The following EPM2A variants were observed in gnomAD, a reference collection of about 807,000 sequenced individuals.
EPM2A encodes laforin.
Under a neutral mutation model 26.5 loss-of-function variants are expected in EPM2A, and 21 were observed. The ratio of observed to expected loss-of-function variants is 0.79; its 90% CI spans 0.56 to 1.14. EPM2A has a LOEUF of 1.14. Ranked by LOEUF, EPM2A falls within the 50% of genes most tolerant of loss-of-function variation. EPM2A has a pLI of 0.00. For synonymous variants in EPM2A, 217 were observed against 177.6 expected, an observed-to-expected ratio of 1.22 and a Z score of -1.76; for missense variants, 458 against 440.8, an observed-to-expected ratio of 1.04 and a Z score of -0.35.
chr6:145,525,086 C>G (rs1256829496), intron 2 of EPM2A, among the ~76,000 whole-genome samples: 2 of 151,872 alleles, frequency 1.3e-5, no homozygotes, highest in Non-Finnish European at 2.9e-5. Flanking sequence ...TGTACGTATG[C>G]AGCTTTATTT....
intron 1 of EPM2A, among the ~76,000 whole-genome samples, chr6:145,694,291 G>A (rs777415659): frequency 3.2e-4 from 48 of 151,838 alleles, no homozygotes; most frequent in Non-Finnish European, 3.5e-4. Context: ...TTACTACCTC[G>A]GAAGCTATTA....
intron 2 of EPM2A, among the ~76,000 whole-genome samples, chr6:145,683,313 G>GTGTGTGTGTGTGTGTGTGTA (rs1178628366): frequency 4.1e-5 from 6 of 147,372 alleles, no homozygotes; most frequent in Non-Finnish European, 7.5e-5. Context: ...GTGTGAGTGT[G>GTGTGTGTGTGTGTGTGTGTA]TATATATTAG....
chr6:145,556,320 C>T (rs547721917), intron 2 of EPM2A, among the ~76,000 whole-genome samples: 1 of 152,194 alleles, frequency 6.6e-6, no homozygotes, highest in South Asian at 2.1e-4. Flanking sequence ...TAGTTTTTCT[C>T]ATTTCCTTGT....
chr6:145,620,359 G>A (rs1775606999), downstream of EPM2A, among the ~76,000 whole-genome samples: 1 of 152,136 alleles, frequency 6.6e-6, no homozygotes, highest in Non-Finnish European at 1.5e-5. Flanking sequence ...AGCTCAGGCA[G>A]TAAAGCTCAC....
chr6:145,579,705 T>C (rs1036125906), intron 2 of EPM2A, among the ~76,000 whole-genome samples: 5 of 152,224 alleles, frequency 3.3e-5, no homozygotes, highest in African/African-American at 7.2e-5. Context: ...TGGTTAAGTA[T>C]AGCATGTTGC....
intron 4 of EPM2A, among the ~76,000 whole-genome samples, chr6:145,470,403 A>G (rs1016311575): frequency 6.6e-6 from 1 of 152,120 alleles, no homozygotes; most frequent in Non-Finnish European, 1.5e-5. Context: ...GTAGTCCAAA[A>G]TATTTTGCCA....
chr6:145,645,851 C>T (rs1467911279), intron 2 of EPM2A, among the ~76,000 whole-genome samples: 1 of 152,152 alleles, frequency 6.6e-6, no homozygotes, highest in African/African-American at 2.4e-5. Flanking sequence ...GCCTCGGCCT[C>T]TCAAAGTGCT....
At chr6:145,524,145 A>T (rs1159027335) in intron 2 of EPM2A, among the ~76,000 whole-genome samples, 1 of 152,210 alleles carries the variant, frequency 6.6e-6, no homozygotes, top group Non-Finnish European at 1.5e-5. Flanking sequence ...GCTGCATAGT[A>T]TTCCACTGCA....
At chr6:145,429,919 A>G (rs11963524) in intron 4 of EPM2A, among the ~76,000 whole-genome samples, 7,919 of 152,288 alleles carry the variant, frequency 0.052, 684 homozygotes, top group African/African-American at 0.18. Context: ...GAAGGAGGCC[A>G]GGCACAGTGG....
chr6:145,541,306 GTGTGTATATACATATATA>G (rs907785821), intron 2 of EPM2A, among the ~76,000 whole-genome samples: 17 of 147,270 alleles, frequency 1.2e-4, no homozygotes, highest in South Asian at 4.4e-4. Context: ...ATTTGTGTGT[GTGTGTATATACATATATA>G]TGTGTATATA....
intron 4 of EPM2A, chr6:145,490,391 G>A: frequency 3.3e-6 from 3 of 912,710 alleles, no homozygotes; most frequent in Non-Finnish European, 5.4e-6. Flanking sequence ...CATGCAGTGA[G>A]GTGACATTTG....
At chr6:145,449,901 A>C (rs1779174211) in intron 4 of EPM2A, among the ~76,000 whole-genome samples, 1 of 152,170 alleles carries the variant, frequency 6.6e-6, no homozygotes, top group South Asian at 2.1e-4. Context: ...TTATGCCATA[A>C]TGGCTATATG....
intron 1 of EPM2A, among the ~76,000 whole-genome samples, chr6:145,704,754 G>C (rs1027336100): frequency 6.6e-6 from 1 of 152,102 alleles, no homozygotes; most frequent in African/African-American, 2.4e-5. Context: ...TCACGTCCAA[G>C]GGTTCTTGGA....
At chr6:145,422,998 T>C (rs1778809476) in intron 4 of EPM2A, among the ~76,000 whole-genome samples, 1 of 152,166 alleles carries the variant, frequency 6.6e-6, no homozygotes, top group Non-Finnish European at 1.5e-5. Context: ...TAAATGATCA[T>C]TAATTTAATT....
chr6:145,599,697 A>G (rs555506420), intron 2 of EPM2A, among the ~76,000 whole-genome samples: 6 of 152,138 alleles, frequency 3.9e-5, no homozygotes, highest in African/African-American at 1.2e-4. Context: ...AGAATAAAAA[A>G]CTAAAAATCT....
chr6:145,486,059 G>C (rs1268902419), intron 4 of EPM2A, among the ~76,000 whole-genome samples: 2 of 152,174 alleles, frequency 1.3e-5, no homozygotes, highest in Non-Finnish European at 1.5e-5. Context: ...CCAAAGCCAA[G>C]AAATTTCATG....
At chr6:145,422,531 G>A (rs764544550) in intron 4 of EPM2A, among the ~76,000 whole-genome samples, 13 of 150,348 alleles carry the variant, frequency 8.6e-5, no homozygotes, top group East Asian at 1.9e-4. Context: ...AACCAGAAAT[G>A]TTATTCAAAC....
chr6:145,460,045 T>C (rs984425348), intron 4 of EPM2A, among the ~76,000 whole-genome samples: 2 of 152,128 alleles, frequency 1.3e-5, no homozygotes, highest in Non-Finnish European at 2.9e-5. Context: ...TTTATTCTAG[T>C]AACAAAAATA....
chr6:145,389,618 T>C (rs996157859), intron 4 of EPM2A, among the ~76,000 whole-genome samples: 1 of 152,230 alleles, frequency 6.6e-6, no homozygotes, highest in Non-Finnish European at 1.5e-5. Flanking sequence ...TGCAAGTGCC[T>C]AGAAACAATG....
Sources: gnomAD v4.1 joint callset for allele counts (sites outside exome capture counted in the v4.1 genomes callset) on GRCh38, gnomAD v4.1.1 for gene constraint, MANE v1.5 for transcripts, NCBI Gene and HGNC (gene_info 2026-07-23, HGNC 2026-07-21) for gene names.